Variants in SEMA3D observed in about 807,000 individuals in gnomAD.
SEMA3D encodes the protein semaphorin-3D.
Under a neutral mutation model 100.1 loss-of-function variants are expected in SEMA3D, and 84 were observed. That is an observed-to-expected ratio of 0.84 (90% CI 0.70 to 1.01). The LOEUF is 1.01. SEMA3D is among the 50% of genes least tolerant of loss of function. The pLI is 0.00. For synonymous variants in SEMA3D, 312 were observed against 320.7 expected, an observed-to-expected ratio of 0.97 and a Z score of 0.29; for missense variants, 875 against 934.1, an observed-to-expected ratio of 0.94 and a Z score of 0.82.
intron 1 of SEMA3D, among the ~76,000 whole-genome samples, chr7:85,158,312 C>T (rs371634441): frequency 6.6e-6 from 1 of 152,272 alleles, no homozygotes. Flanking sequence ...AGGAACATCC[C>T]TGAGAAAGAG....
chr7:85,121,809 G>C lies in SEMA3D; in HGVS notation c.83C>G (p.Thr28Ser). ...GCCAGTGACTGGAAGAAACAACATG[G>C]TCATGCTTAGCATCATCAAAGCAGG... ...LFPALMMLSM[T>S]MLFLPVTGTL... The change falls in exon 3 of 19, where the codon ACC (threonine) becomes AGC (serine). Residue 28 changes from threonine to serine, a missense_variant. By Grantham distance (58) the Thr-to-Ser change is moderately conservative. Coordinates refer to ENST00000284136, the MANE Select transcript of SEMA3D (RefSeq NM_001384900.1). 6.2e-7 allele frequency: 1 copy of C among 1,609,192 alleles called. No homozygotes were observed. Among genetic ancestry groups the C allele is most frequent in the South Asian group, 1.1e-5 (1 of 89,698 alleles).
chr7:85,065,561 G>A lies in SEMA3D; in HGVS notation c.590-9C>T. 1 of 1,610,512 alleles carries A rather than the reference G, an allele frequency of 6.2e-7. No homozygotes were observed. Among genetic ancestry groups the A allele is most frequent in the Non-Finnish European group, 8.5e-7 (1 of 1,177,494 alleles). On this transcript the variant is annotated splice_polypyrimidine_tract_variant and intron_variant, in intron 7 of 18. Coordinates refer to ENST00000284136, the MANE Select transcript of SEMA3D (RefSeq NM_001384900.1). Reference sequence around the variant, plus strand: ...AGAGTAGAGGTACTCATCTGAGAGGGAGAAAAAAGTACACAGAACTTTTAA... The same window carrying A: ...AGAGTAGAGGTACTCATCTGAGAGGAAGAAAAAAGTACACAGAACTTTTAA...
chr7:85,236,465 G>A, the SEMA3D span, among the ~76,000 whole-genome samples: 1 of 151,536 alleles, frequency 6.6e-6, no homozygotes, highest in Admixed American at 6.6e-5. Context: ...GAGCCACCAT[G>A]CCCAGCTAAT....
In SEMA3D at chr7:85,122,187, T is replaced by G. The variant is rs191065566; in HGVS notation, c.-40-256A>C. Among the ~76,000 whole-genome samples the G allele has an allele frequency of 2.1e-4, 31 of 150,048 alleles. No individual in the cohort carries two copies. The East Asian group carries it at 6.1e-3, about 29-fold the overall frequency. On this transcript the variant is annotated intron_variant, in intron 2 of 18. Transcript: ENST00000284136. ...CCACCATGGCACGTGTACACCTATG[T>G]AAGAAACCTGCACGTTTTGCACATG...
At chr7:85,038,172 A>G (rs781409614) in intron 11 of SEMA3D, among the ~76,000 whole-genome samples, 18 of 152,124 alleles carry the variant, frequency 1.2e-4, no homozygotes, top group Non-Finnish European at 2.2e-4. Context: ...CGTTGTGCAC[A>G]TGTACCCTAA....
chr7:85,185,950 T>A (rs1275010968), intron 1 of SEMA3D, among the ~76,000 whole-genome samples: 1 of 152,108 alleles, frequency 6.6e-6, no homozygotes, highest in Non-Finnish European at 1.5e-5. Flanking sequence ...CCCCCGAGTG[T>A]TTTGCCTTAA....
intron 3 of SEMA3D, among the ~76,000 whole-genome samples, chr7:85,117,347 A>T (rs980134936): frequency 6.6e-6 from 1 of 152,204 alleles, no homozygotes; most frequent in Non-Finnish European, 1.5e-5. Context: ...TGACCCAGAG[A>T]AACTGAGGGA....
At chr7:85,224,806 G>A in the SEMA3D span, among the ~76,000 whole-genome samples, 1 of 151,674 alleles carries the variant, frequency 6.6e-6, no homozygotes, top group Non-Finnish European at 1.5e-5. Flanking sequence ...ATTCTCTATT[G>A]CAATATTTTT....
chr7:85,234,355 T>A, the SEMA3D span, among the ~76,000 whole-genome samples: 1 of 152,282 alleles, frequency 6.6e-6, no homozygotes, highest in South Asian at 2.1e-4. Flanking sequence ...ACACTAAACT[T>A]CCTGAGAGAA....
At chr7:85,010,984 T>C (rs767532134) in intron 17 of SEMA3D, among the ~76,000 whole-genome samples, 2 of 151,670 alleles carry the variant, frequency 1.3e-5, no homozygotes, top group Non-Finnish European at 2.9e-5. Context: ...AGGTAAGAGG[T>C]TAACCAGAAG....
Position 85,179,693 on chromosome 7 carries a change from G to A in SEMA3D, c.-173+6985C>T, listed in dbSNP as rs1010266874. ...TTTTTTTTTTTTGAGACGGAATCTCGCTCTTTTGCCCAGGCCGGACTGCAG... is the reference window on the plus strand; with the variant it reads ...TTTTTTTTTTTTGAGACGGAATCTCACTCTTTTGCCCAGGCCGGACTGCAG... On this transcript the variant is annotated intron_variant, in intron 1 of 18. Transcript: ENST00000284136. Among the ~76,000 whole-genome samples, 23 of 145,038 alleles carry A rather than the reference G, an allele frequency of 1.6e-4. No individual in the cohort carries two copies. The South Asian group carries it at 2.6e-3, about 16-fold the overall frequency.
intron 9 of SEMA3D, among the ~76,000 whole-genome samples, chr7:85,055,483 C>T (rs1462869475): frequency 6.6e-6 from 1 of 151,358 alleles, no homozygotes; most frequent in East Asian, 1.9e-4. Flanking sequence ...AAAATGTGAA[C>T]TCTTTCCTTT....
rs148990277 is a variant in SEMA3D, at chr7:85,072,825, C to G, written c.495+137G>C. ...CTGACTTCATCCTCCTGAGTATTGG[C>G]ATTACAGGCAGGCACCTCCATGCCT... is the stretch of plus-strand genomic sequence containing the variant. On this transcript the variant is annotated intron_variant, in intron 6 of 18. Transcript: ENST00000284136. The G allele has an allele frequency of 8.9e-5, 58 of 651,716 alleles. No individual in the cohort carries two copies. In the East Asian group the frequency reaches 1.4e-3, roughly 16 times the overall value. The allele number at this position is 651,716 out of a possible 1,614,324, so 40.4% of individuals were successfully genotyped here.
At chr7:85,205,437 T>G in the SEMA3D span, among the ~76,000 whole-genome samples, 1 of 152,180 alleles carries the variant, frequency 6.6e-6, no homozygotes, top group Non-Finnish European at 1.5e-5. Context: ...GTAGAATTAT[T>G]ATTTGTCAAT....
At chr7:85,108,845 C>A (rs1789006682) in intron 3 of SEMA3D, among the ~76,000 whole-genome samples, 1 of 151,784 alleles carries the variant, frequency 6.6e-6, no homozygotes, top group South Asian at 2.1e-4. Flanking sequence ...GATCAATGAC[C>A]TGTTTAGTTT....
At chr7:85,208,219 CA>C in the SEMA3D span, among the ~76,000 whole-genome samples, 1 of 151,218 alleles carries the variant, frequency 6.6e-6, no homozygotes, top group East Asian at 2.0e-4. Flanking sequence ...TATATAATGT[CA>C]AAACAAATTG....
intron 1 of SEMA3D, among the ~76,000 whole-genome samples, chr7:85,171,815 A>C (rs1791090399): frequency 1.3e-5 from 2 of 152,080 alleles, no homozygotes; most frequent in South Asian, 4.1e-4. Flanking sequence ...AAAAGGAAAA[A>C]TAAAACAAAA....
chr7:85,025,200 A>G (rs1790359822), intron 12 of SEMA3D, among the ~76,000 whole-genome samples: 1 of 152,000 alleles, frequency 6.6e-6, no homozygotes, highest in South Asian at 2.1e-4. Flanking sequence ...ATTAGCTCCT[A>G]GGAGAGTAGG....
intron 4 of SEMA3D, among the ~76,000 whole-genome samples, chr7:85,084,234 T>C (rs1260236223): frequency 2.0e-5 from 3 of 152,102 alleles, no homozygotes; most frequent in African/African-American, 4.8e-5. Context: ...TCTCACTTTT[T>C]CCCCCCTCCA....
Sources: allele counts gnomAD v4.1 joint callset (sites outside exome capture counted in the v4.1 genomes callset), GRCh38; gene constraint gnomAD v4.1.1; transcripts MANE v1.5; gene names NCBI Gene and HGNC (gene_info 2026-07-23, HGNC 2026-07-21).